SANBR: variants seen among roughly 807,000 people sequenced by gnomAD.
SANBR encodes SANT and BTB domain regulator of class switch recombination.
In SANBR, 77 loss-of-function variants were observed where a neutral mutation model predicts 101.8. That is an observed-to-expected ratio of 0.76 (90% CI 0.63 to 0.91). The LOEUF (loss-of-function observed/expected upper bound fraction) is 0.91, where lower values mean the gene tolerates loss of function less well. Among genes scored for constraint, SANBR ranks in the 40% least tolerant of loss-of-function variants. The pLI is 0.00. For missense variants in SANBR, 875 were observed against 853.0 expected, an observed-to-expected ratio of 1.03 and a Z score of -0.32; for synonymous variants, 279 against 274.7, an observed-to-expected ratio of 1.02 and a Z score of -0.15.
chr2:61,087,934 T>C (rs1359802960), intron 8 of SANBR, among the ~76,000 whole-genome samples: 2 of 151,796 alleles, frequency 1.3e-5, no homozygotes, highest in Non-Finnish European at 2.9e-5. Context: ...TATGGGAAAA[T>C]AGATGATTGA....
At chr2:61,070,040 A>C (rs1192429156) in intron 2 of SANBR, among the ~76,000 whole-genome samples, 1 of 152,158 alleles carries the variant, frequency 6.6e-6, no homozygotes, top group Non-Finnish European at 1.5e-5. Flanking sequence ...ACAACTCTGA[A>C]CCTCATCTTG....
Position 61,123,373 on chromosome 2 carries a change from G to T in SANBR, c.*1211G>T. On this transcript the variant is annotated 3_prime_UTR_variant, in exon 22 of 22. Coordinates refer to ENST00000402291, the MANE Select transcript of SANBR (RefSeq NM_001129993.3). ...GTGTTACACTCAGTTTACACGTACA[G>T]AAATCATTCTTTTTAGTGAGTCTTT... 1.0e-6 allele frequency: 1 copy of T among 982,350 alleles called. No homozygotes were observed. Among genetic ancestry groups the T allele is most frequent in the Non-Finnish European group, 1.2e-6 (1 of 827,004 alleles). 60.9% of individuals were successfully genotyped at this position (982,350 alleles called of 1,614,324 possible). A position where few individuals can be genotyped will look rare whatever the true frequency, so the allele number is the denominator to read the frequency against.
intron 21 of SANBR, 31 bp downstream of exon 21, chr2:61,121,307 A>C (rs1462706873): frequency 6.1e-6 from 9 of 1,486,652 alleles, no homozygotes; most frequent in Non-Finnish European, 6.4e-6. Context: ...CCAGAGTGTC[A>C]GTGGCTTTGA....
intron 11 of SANBR, among the ~76,000 whole-genome samples, chr2:61,093,605 A>G (rs947860133): frequency 1.4e-4 from 22 of 152,298 alleles, no homozygotes; most frequent in Middle Eastern, 3.4e-3. Flanking sequence ...AAAGAGAAAA[A>G]AAAAAAAGTC....
At chr2:61,117,196 GTCT>G (rs1286340389) in intron 17 of SANBR, 158 bp from the exon 18 acceptor site, 2 of 657,286 alleles carry the variant, frequency 3.0e-6, no homozygotes, top group Admixed American at 5.3e-5. Flanking sequence ...AATAGTGCCT[GTCT>G]CATTTGGTTG....
At chr2:61,105,580 T>C (rs183692508) in intron 13 of SANBR, among the ~76,000 whole-genome samples, 58 of 151,982 alleles carry the variant, frequency 3.8e-4, no homozygotes, top group Non-Finnish European at 6.6e-4. Context: ...GTTGACTAGG[T>C]TGGTCTCGAA....
chr2:61,084,489 A>T (rs572866256), intron 8 of SANBR, among the ~76,000 whole-genome samples: 59 of 152,170 alleles, frequency 3.9e-4, no homozygotes, highest in African/African-American at 1.4e-3. Context: ...TGAAAGCTGT[A>T]GGGCACTACT....
chr2:61,107,065 G>C (rs1408535649), intron 14 of SANBR, among the ~76,000 whole-genome samples: 1 of 151,968 alleles, frequency 6.6e-6, no homozygotes, highest in Admixed American at 6.6e-5. Context: ...TTTGCTGGGA[G>C]GCTGAGGTGG....
At chr2:61,086,772 G>A (rs1306309279) in intron 8 of SANBR, among the ~76,000 whole-genome samples, 1 of 152,080 alleles carries the variant, frequency 6.6e-6, no homozygotes, top group Non-Finnish European at 1.5e-5. Flanking sequence ...GGAGATACTA[G>A]ATTATGTTTA....
At chr2:61,075,898 G>A (rs1004475915) in intron 5 of SANBR, among the ~76,000 whole-genome samples, 1 of 151,898 alleles carries the variant, frequency 6.6e-6, no homozygotes, top group African/African-American at 2.4e-5. Context: ...ACCCATAACT[G>A]TGTAAAAGTG....
In SANBR at chr2:61,117,206, G is replaced by T. The variant is rs189307125; in HGVS notation, c.1837-151G>T. 51 of 699,154 alleles carry T rather than the reference G, an allele frequency of 7.3e-5. No individual in the cohort carries two copies. The African/African-American group carries it at 8.0e-4, about 11-fold the overall frequency. The allele number at this position is 699,154 out of a possible 1,614,324, so 43.3% of individuals were successfully genotyped here. ...ATATTAATAGTGCCTGTCTCATTTG[G>T]TTGGTGCAAGGTTTAAATGAAATAG... On this transcript the variant is annotated intron_variant, in intron 17 of 21. Coordinates refer to ENST00000402291, the MANE Select transcript of SANBR (RefSeq NM_001129993.3).
At chr2:61,100,844 A>T (rs1573634390) in intron 12 of SANBR, among the ~76,000 whole-genome samples, 1 of 152,348 alleles carries the variant, frequency 6.6e-6, no homozygotes, top group East Asian at 1.9e-4. Context: ...TCATAAATTC[A>T]CAATATAATT....
chr2:61,132,802 T>TA (rs1165737334), intron 20 of SANBR, among the ~76,000 whole-genome samples: 1 of 152,342 alleles, frequency 6.6e-6, no homozygotes, highest in African/African-American at 2.4e-5. Flanking sequence ...CGTATGTCTA[T>TA]ACCGTGGAAT....
At chr2:61,137,325 T>C (rs1684882131) in intron 21 of SANBR, 1 of 152,130 alleles carries the variant, frequency 6.6e-6, no homozygotes, top group African/African-American at 2.4e-5. Flanking sequence ...TTTCTCCTTT[T>C]AGTAAATATT....
chr2:61,126,425 C>T (rs79214039), downstream of SANBR, among the ~76,000 whole-genome samples: 2,201 of 152,212 alleles, frequency 0.014, 106 homozygotes, highest in East Asian at 0.14. Context: ...GTGCTCAAAG[C>T]GACGTTCGTG....
intron 20 of SANBR, among the ~76,000 whole-genome samples, chr2:61,131,827 G>A (rs1487515581): frequency 1.3e-5 from 2 of 152,178 alleles, no homozygotes; most frequent in Non-Finnish European, 2.9e-5. Flanking sequence ...TGCAGTACTG[G>A]TATAAGGATA....
Position 61,093,675 on chromosome 2 carries a change from T to C in SANBR, c.1212+1088T>C, listed in dbSNP as rs193054898. On this transcript the variant is annotated intron_variant, in intron 11 of 21. Transcript: ENST00000402291. ...GAAAACAATTATTAAAAAATCCTTATTGCCTTCACTTGTTTCCAGCCAAAC... is the reference window on the plus strand; with the variant it reads ...GAAAACAATTATTAAAAAATCCTTACTGCCTTCACTTGTTTCCAGCCAAAC... 1.6e-4 allele frequency among the ~76,000 whole-genome samples: 24 copies of C among 152,352 alleles called. No homozygotes were observed. The East Asian group carries it at 4.6e-3, about 29-fold the overall frequency.
chr2:61,088,063 T>C, intron 8 of SANBR, 96 bp from the exon 9 acceptor site: 5 of 627,258 alleles, frequency 8.0e-6, no homozygotes, highest in Non-Finnish European at 1.1e-5. Context: ...TAAGGATTTA[T>C]TAATCTTATT....
intron 9 of SANBR, 45 bp from the exon 10 acceptor site, chr2:61,088,313 T>C (rs1263298792): frequency 1.3e-6 from 2 of 1,570,384 alleles, no homozygotes; most frequent in Non-Finnish European, 1.7e-6. Context: ...TTACTACATT[T>C]ACATTCTTCT....
Sources: gnomAD v4.1 joint callset for allele counts (sites outside exome capture counted in the v4.1 genomes callset) on GRCh38, gnomAD v4.1.1 for gene constraint, MANE v1.5 for transcripts, NCBI Gene and HGNC (gene_info 2026-07-23, HGNC 2026-07-21) for gene names.